The following HS3ST4 variants were observed in gnomAD, a reference collection of about 807,000 sequenced individuals.
The protein encoded by HS3ST4 is heparan sulfate glucosamine 3-O-sulfotransferase 4.
HS3ST4 carries 17 observed loss-of-function variants against 29.2 expected under a neutral mutation model. The observed-to-expected ratio is 0.58, with a 90% confidence interval of 0.40 to 0.87. The LOEUF is 0.87. Among genes scored for constraint, HS3ST4 ranks in the 40% least tolerant of loss-of-function variants. The pLI is 0.00. For missense variants in HS3ST4, 627 were observed against 634.5 expected, an observed-to-expected ratio of 0.99 and a Z score of 0.13; for synonymous variants, 314 against 285.7, an observed-to-expected ratio of 1.10 and a Z score of -1.00.
intron 1 of HS3ST4, among the ~76,000 whole-genome samples, chr16:25,873,810 AT>A (rs1967797501): frequency 6.6e-6 from 1 of 151,994 alleles, no homozygotes; most frequent in African/African-American, 2.4e-5. Context: ...CTACCCACCT[AT>A]TCTTCCATCC....
chr16:25,850,368 C>T (rs757170973), intron 1 of HS3ST4, among the ~76,000 whole-genome samples: 6 of 152,132 alleles, frequency 3.9e-5, no homozygotes, highest in Non-Finnish European at 8.8e-5. Context: ...ACATCCATCT[C>T]GACTGCCTTC....
intron 1 of HS3ST4, among the ~76,000 whole-genome samples, chr16:26,009,782 C>T (rs184282980): frequency 4.6e-5 from 7 of 152,326 alleles, no homozygotes; most frequent in African/African-American, 1.7e-4. Flanking sequence ...AGTTCACGTG[C>T]TCTCGCCTAA....
rs1000159420 is a variant in HS3ST4, at chr16:25,909,151, G to C, written c.734+216000G>C. Among the ~76,000 whole-genome samples, 3 of 152,202 alleles carry C rather than the reference G, an allele frequency of 2.0e-5. No individual in the cohort carries two copies. The East Asian group carries it at 5.8e-4, about 29-fold the overall frequency. ...TTATTAAAATGCATGTTCTGATTTT[G>C]TAGGTCTGGGATGGGGCTGGAGATT... On this transcript the variant is annotated intron_variant, in intron 1 of 1. Coordinates refer to ENST00000331351, the MANE Select transcript of HS3ST4 (RefSeq NM_006040.3).
At chr16:25,828,301 C>CCCT (rs1967253350) in intron 1 of HS3ST4, among the ~76,000 whole-genome samples, 7 of 32,890 alleles carry the variant, frequency 2.1e-4, no homozygotes, top group East Asian at 2.0e-3. Flanking sequence ...TCTTTCTTTC[C>CCCT]CTCTCTCTCT....
At chr16:26,081,964 T>A (rs916361944) in intron 1 of HS3ST4, among the ~76,000 whole-genome samples, 2 of 151,944 alleles carry the variant, frequency 1.3e-5, no homozygotes, top group Non-Finnish European at 2.9e-5. Flanking sequence ...CTTGGCTAAT[T>A]TTGTATTTTC....
intron 1 of HS3ST4, among the ~76,000 whole-genome samples, chr16:25,792,657 C>T (rs1449587762): frequency 6.6e-6 from 1 of 151,758 alleles, no homozygotes; most frequent in African/African-American, 2.4e-5. Context: ...TCCTCTGATT[C>T]TTGATATTGT....
intron 1 of HS3ST4, among the ~76,000 whole-genome samples, chr16:26,100,525 A>C (rs1465941730): frequency 6.6e-6 from 1 of 151,960 alleles, no homozygotes; most frequent in Middle Eastern, 3.2e-3. Flanking sequence ...ATGATGACTG[A>C]CTTAGTTGCC....
chr16:25,794,958 A>C (rs1966879485), intron 1 of HS3ST4, among the ~76,000 whole-genome samples: 1 of 142,822 alleles, frequency 7.0e-6, no homozygotes, highest in Non-Finnish European at 1.5e-5. Flanking sequence ...CATAATTTTC[A>C]TCTTTTTTTC....
Position 26,136,531 on chromosome 16 carries a change from G to T in HS3ST4, c.*283G>T. The T allele has an allele frequency of 2.1e-6, 1 of 468,864 alleles. No homozygotes were observed. Among genetic ancestry groups the T allele is most frequent in the Non-Finnish European group, 3.8e-6 (1 of 261,050 alleles). The allele number at this position is 468,864 out of a possible 1,614,324, so 29.0% of individuals were successfully genotyped here. On this transcript the variant is annotated 3_prime_UTR_variant, in exon 2 of 2. Coordinates refer to ENST00000331351, the MANE Select transcript of HS3ST4 (RefSeq NM_006040.3). ...TATCTTCTGCTAGTTAATATAGCCTGAAGACAGAGGATAAATAGTTGTCAA... is the reference window on the plus strand; with the variant it reads ...TATCTTCTGCTAGTTAATATAGCCTTAAGACAGAGGATAAATAGTTGTCAA...
intron 1 of HS3ST4, among the ~76,000 whole-genome samples, chr16:25,963,109 T>G (rs746855796): frequency 1.3e-5 from 2 of 152,198 alleles, no homozygotes; most frequent in Non-Finnish European, 2.9e-5. Context: ...TGGTGGACTT[T>G]TGAGCAAATG....
chr16:25,746,024 T>C (rs1486670947), intron 1 of HS3ST4, among the ~76,000 whole-genome samples: 2 of 152,318 alleles, frequency 1.3e-5, no homozygotes, highest in East Asian at 1.9e-4. Context: ...TTACCTTCTA[T>C]TGGAAATCCT....
chr16:25,692,741 C>T lies in HS3ST4; in HGVS notation c.324C>T (p.His108=). ...PAPPPLDNAS[H]GEPPEPPEQP... ...CGCCGCCGCTGGACAACGCGAGCCA[C>T]GGGGAGCCGCCCGAGCCCCCAGAGC... The change falls in exon 1 of 2, where the codon CAC becomes CAT. Residue 108 remains histidine (H), a synonymous_variant. Transcript: ENST00000331351. The T allele has an allele frequency of 1.6e-6, 2 of 1,288,058 alleles. No homozygotes were observed. The highest frequency in any genetic ancestry group is 9.8e-7 in the Non-Finnish European group (1 of 1,022,104). 79.8% of individuals were successfully genotyped at this position (1,288,058 alleles called of 1,614,324 possible).
intron 1 of HS3ST4, among the ~76,000 whole-genome samples, chr16:25,869,656 T>C (rs1967729328): frequency 6.6e-6 from 1 of 152,176 alleles, no homozygotes; most frequent in Non-Finnish European, 1.5e-5. Context: ...CTGACATTTA[T>C]TGAGTCATCA....
chr16:25,915,596 C>T (rs1184269830), intron 1 of HS3ST4, among the ~76,000 whole-genome samples: 1 of 152,186 alleles, frequency 6.6e-6, no homozygotes, highest in African/African-American at 2.4e-5. Context: ...ATCATCATAT[C>T]AGACCAGGCT....
intron 1 of HS3ST4, among the ~76,000 whole-genome samples, chr16:26,033,053 G>A (rs539970891): frequency 7.2e-5 from 11 of 152,280 alleles, no homozygotes; most frequent in Admixed American, 7.2e-4. Flanking sequence ...CATTCATTAA[G>A]ACCTGAACGA....
At chr16:25,747,704 C>A (rs1229815658) in intron 1 of HS3ST4, among the ~76,000 whole-genome samples, 3 of 152,190 alleles carry the variant, frequency 2.0e-5, no homozygotes, top group Non-Finnish European at 4.4e-5. Context: ...TGTTTTCTAG[C>A]GATCACTAGC....
chr16:26,015,606 C>A (rs1158789640), intron 1 of HS3ST4, among the ~76,000 whole-genome samples: 2 of 152,154 alleles, frequency 1.3e-5, no homozygotes. Context: ...ACATGGGAGT[C>A]AAAGCTCCAG....
chr16:25,939,594 C>T (rs1322880775), intron 1 of HS3ST4, among the ~76,000 whole-genome samples: 1 of 152,150 alleles, frequency 6.6e-6, no homozygotes, highest in Non-Finnish European at 1.5e-5. Context: ...CCACCTCAGT[C>T]TCCCAAAGTG....
chr16:25,999,510 C>CT (rs58206046), intron 1 of HS3ST4, among the ~76,000 whole-genome samples: 30,915 of 151,242 alleles, frequency 0.2, 3,325 homozygotes, highest in African/African-American at 0.25. Context: ...ACTTCAGCCA[C>CT]TTTTTTTCTA....
Sources: gnomAD v4.1 joint callset for allele counts (sites outside exome capture counted in the v4.1 genomes callset) on GRCh38, gnomAD v4.1.1 for gene constraint, MANE v1.5 for transcripts, NCBI Gene and HGNC (gene_info 2026-07-23, HGNC 2026-07-21) for gene names.